The following RAE1 variants were observed in gnomAD, a reference collection of about 807,000 sequenced individuals.
RAE1 encodes the protein ribonucleic acid export 1, also known as mRNA export factor RAE1.
A neutral mutation model predicts 52.7 loss-of-function variants in RAE1; 13 were observed. The ratio of observed to expected loss-of-function variants is 0.25; its 90% CI spans 0.16 to 0.39. The LOEUF (loss-of-function observed/expected upper bound fraction) is 0.39. RAE1 is among the 10% of genes least tolerant of loss of function. The pLI is 1.00. For missense variants in RAE1, 262 were observed against 459.8 expected, an observed-to-expected ratio of 0.57 and a Z score of 3.93; for synonymous variants, 164 against 153.1, an observed-to-expected ratio of 1.07 and a Z score of -0.52.
chr20:57,357,475 C>T (rs2066808251), intron 4 of RAE1: 2 of 152,134 alleles, frequency 1.3e-5, no homozygotes, highest in Admixed American at 6.5e-5. Flanking sequence ...TGAGATATAG[C>T]ATCTGCAAAA....
In RAE1 at chr20:57,373,414, AC is replaced by A. The variant is rs1188121487; in HGVS notation, c.643-60del. 8 of 1,514,388 alleles carry A rather than the reference AC, an allele frequency of 5.3e-6. No homozygotes were observed. In the African/African-American group the frequency reaches 1.1e-4, roughly 21 times the overall value. 93.8% of individuals were successfully genotyped at this position (1,514,388 alleles called of 1,614,324 possible). A position where few individuals can be genotyped will look rare whatever the true frequency, so the allele number is the denominator to read the frequency against. On this transcript the variant is annotated intron_variant, in intron 8 of 11. Coordinates refer to ENST00000395841, the MANE Select transcript of RAE1 (RefSeq NM_003610.4). ...CATGGGGTAAAAATGACTTACCTTC[AC>A]GTTAGTCATGAAATCTTATATTATG...
intron 11 of RAE1, among the ~76,000 whole-genome samples, chr20:57,375,454 C>T (rs373653935): frequency 2.0e-5 from 3 of 152,158 alleles, no homozygotes; most frequent in African/African-American, 7.2e-5. Context: ...ACCTGCTTCA[C>T]ATAGGAGGGG....
chr20:57,371,796 GA>G (rs1482383812), intron 8 of RAE1: 3 of 152,256 alleles, frequency 2.0e-5, no homozygotes, highest in African/African-American at 7.2e-5. Flanking sequence ...CAAGTGAACA[GA>G]TAAAGAAAAT....
intron 4 of RAE1, among the ~76,000 whole-genome samples, chr20:57,360,169 GGTGATGGGCTGTGT>G (rs1391326097): frequency 1.3e-5 from 2 of 152,170 alleles, no homozygotes; most frequent in African/African-American, 4.8e-5. Context: ...ATTCGAGGAA[GGTGATGGGCTGTGT>G]GTGCGTGCTT....
rs2066993982 is a variant in RAE1 at position 57,368,824 on chromosome 20, G to A, written c.642+12G>A. ...CACTGAAACATCAGGTGCGTCATTAGTCAAATCAAGAAGTATGTATTTAGC... is the reference window on the plus strand; with the variant it reads ...CACTGAAACATCAGGTGCGTCATTAATCAAATCAAGAAGTATGTATTTAGC... On this transcript the variant is annotated intron_variant, in intron 8 of 11. Coordinates refer to ENST00000395841, the MANE Select transcript of RAE1 (RefSeq NM_003610.4). 2 of 1,589,644 alleles carry A rather than the reference G, an allele frequency of 1.3e-6. No homozygotes were observed. The highest frequency in any genetic ancestry group is 2.2e-5 in the South Asian group (2 of 89,528).
chr20:57,356,206 A>G (rs2066783982), intron 3 of RAE1, among the ~76,000 whole-genome samples: 1 of 152,228 alleles, frequency 6.6e-6, no homozygotes, highest in Non-Finnish European at 1.5e-5. Flanking sequence ...TCATAGATGC[A>G]TTGAGAAAAT....
intron 4 of RAE1, among the ~76,000 whole-genome samples, chr20:57,364,210 C>A (rs888350556): frequency 6.6e-6 from 1 of 152,222 alleles, no homozygotes; most frequent in Non-Finnish European, 1.5e-5. Context: ...AGCAGGTAGA[C>A]TTAGAGCAGC....
intron 11 of RAE1, among the ~76,000 whole-genome samples, 184 bp from the exon 12 acceptor site, chr20:57,377,829 T>TC (rs2067138352): frequency 1.3e-5 from 2 of 152,130 alleles, no homozygotes. Context: ...ACCAACCACA[T>TC]CCTTAGGCCT....
In RAE1 at chr20:57,352,011, C is replaced by T. The variant is rs1296764386; in HGVS notation, c.-8+589C>T. On this transcript the variant is annotated intron_variant, in intron 1 of 11. Coordinates refer to ENST00000395841, the MANE Select transcript of RAE1 (RefSeq NM_003610.4). ...GGGAAGAATCCAGGCAAGTGGCTGC[C>T]CTCTTGGAGCCAGCATTCTGGGGGG... The T allele has an allele frequency of 5.1e-6, 5 of 971,348 alleles. No individual in the cohort carries two copies. In the African/African-American group the frequency reaches 5.3e-5, roughly 10 times the overall value. The allele number at this position is 971,348 out of a possible 1,614,324, so 60.2% of individuals were successfully genotyped here.
chr20:57,354,484 C>T (rs2066755998), intron 2 of RAE1, among the ~76,000 whole-genome samples: 1 of 152,226 alleles, frequency 6.6e-6, no homozygotes, highest in African/African-American at 2.4e-5. Flanking sequence ...ATTTAGAAAA[C>T]AAGACCATGG....
intron 1 of RAE1, among the ~76,000 whole-genome samples, chr20:57,352,799 C>G (rs576383957): frequency 3.1e-4 from 47 of 152,250 alleles, no homozygotes; most frequent in African/African-American, 1.0e-3. Flanking sequence ...GTTAAGTGAC[C>G]CGTCCAAAGC....
At chr20:57,357,321 G>A (rs2066804236) in intron 4 of RAE1, 2 of 152,074 alleles carry the variant, frequency 1.3e-5, no homozygotes, top group Admixed American at 1.3e-4. Flanking sequence ...TGTCCCTATA[G>A]TTTTGCTTTT....
chr20:57,372,592 T>C (rs1342854122), intron 8 of RAE1: 1 of 152,262 alleles, frequency 6.6e-6, no homozygotes, highest in Admixed American at 6.5e-5. Context: ...ACAAAAGTAA[T>C]GGTCTGGCAG....
At chr20:57,363,862 A>T (rs1417549621) in intron 4 of RAE1, among the ~76,000 whole-genome samples, 1 of 152,210 alleles carries the variant, frequency 6.6e-6, no homozygotes, top group African/African-American at 2.4e-5. Context: ...AGAAGAACAA[A>T]TACAACTTCT....
chr20:57,354,241 C>A lies in RAE1; in HGVS notation c.90+113C>A. The A allele has an allele frequency of 4.9e-6, 4 of 824,694 alleles. No homozygotes were observed. In the South Asian group the frequency reaches 5.1e-5, roughly 11 times the overall value. 51.1% of individuals were successfully genotyped at this position (824,694 alleles called of 1,614,324 possible). ...CTCCTTTAGGCTGAAAGCTTTGAAA[C>A]TTTGTCTAACTCATGTTTCTGAAAC... On this transcript the variant is annotated intron_variant, in intron 2 of 11. Coordinates refer to ENST00000395841, the MANE Select transcript of RAE1 (RefSeq NM_003610.4).
chr20:57,368,879 C>G, intron 8 of RAE1, 67 bp downstream of exon 8: 1 of 1,300,220 alleles, frequency 7.7e-7, no homozygotes, highest in Non-Finnish European at 1.1e-6. Context: ...GTGCTCACAT[C>G]TGGAATACAG....
chr20:57,366,912 G>T lies in RAE1; in HGVS notation c.462+19G>T. The T allele has an allele frequency of 6.3e-7, 1 of 1,594,828 alleles. No homozygotes were observed. Among genetic ancestry groups the T allele is most frequent in the Non-Finnish European group, 8.6e-7 (1 of 1,162,548 alleles). On this transcript the variant is annotated intron_variant, in intron 6 of 11. Coordinates refer to ENST00000395841, the MANE Select transcript of RAE1 (RefSeq NM_003610.4). ...TTTAAAGGTATAATGTGCAGTTGAG[G>T]CATTGTTTGGCCCCATCAGGATTGT...
At chr20:57,364,423 G>A (rs1324697501) in intron 4 of RAE1, among the ~76,000 whole-genome samples, 1 of 152,170 alleles carries the variant, frequency 6.6e-6, no homozygotes, top group East Asian at 1.9e-4. Context: ...CCTTTGCTGT[G>A]TTTTCAAGGA....
chr20:57,371,145 A>C (rs899624973), intron 8 of RAE1: 1 of 152,244 alleles, frequency 6.6e-6, no homozygotes, highest in Non-Finnish European at 1.5e-5. Flanking sequence ...ACTCTATGAC[A>C]TTGGTCTTGG....
Sources: gnomAD v4.1 joint callset for allele counts (sites outside exome capture counted in the v4.1 genomes callset) on GRCh38, gnomAD v4.1.1 for gene constraint, MANE v1.5 for transcripts, NCBI Gene and HGNC (gene_info 2026-07-23, HGNC 2026-07-21) for gene names.